Variants in HCRTR2 observed in about 807,000 individuals in gnomAD.
The protein encoded by HCRTR2 is orexin receptor type 2.
In HCRTR2, 22 loss-of-function variants were observed where a neutral mutation model predicts 49.0. The ratio of observed to expected loss-of-function variants is 0.45; its 90% CI spans 0.32 to 0.64. The LOEUF is 0.64. Among genes scored for constraint, HCRTR2 ranks in the 30% least tolerant of loss-of-function variants. HCRTR2 has a pLI of 0.04. For missense variants in HCRTR2, 491 were observed against 559.4 expected (o/e 0.88, Z 1.23); for synonymous variants, 236 against 205.3 (o/e 1.15, Z -1.28).
At chr6:55,133,499 C>T (rs1175334547) in intron 1 of HCRTR2, among the ~76,000 whole-genome samples, 1 of 151,816 alleles carries the variant, frequency 6.6e-6, no homozygotes, top group Admixed American at 6.6e-5. Flanking sequence ...TCAAAGCTTT[C>T]TTCAATTGCT....
At chr6:55,276,321 T>G (rs1396763273) in intron 4 of HCRTR2, among the ~76,000 whole-genome samples, 2 of 152,222 alleles carry the variant, frequency 1.3e-5, no homozygotes, top group Admixed American at 1.3e-4. Context: ...TGTGTGGACA[T>G]ATAAGTAAAA....
At chr6:55,156,045 G>A (rs546304415) in intron 1 of HCRTR2, among the ~76,000 whole-genome samples, 4 of 151,918 alleles carry the variant, frequency 2.6e-5, no homozygotes, top group Non-Finnish European at 5.9e-5. Context: ...ATGGTGTTAT[G>A]TGGATGAAAT....
chr6:55,244,990 T>G (rs1483013785), intron 1 of HCRTR2, among the ~76,000 whole-genome samples: 1 of 152,106 alleles, frequency 6.6e-6, no homozygotes, highest in African/African-American at 2.4e-5. Flanking sequence ...GTTTTATTTC[T>G]GGGTTTTCTA....
At chr6:55,229,699 CAG>C (rs1406911671) in intron 1 of HCRTR2, among the ~76,000 whole-genome samples, 1 of 152,154 alleles carries the variant, frequency 6.6e-6, no homozygotes, top group Non-Finnish European at 1.5e-5. Context: ...CTCATGGAAA[CAG>C]AGACTAGAAT....
chr6:55,137,888 CTA>C (rs1368806335), intron 1 of HCRTR2, among the ~76,000 whole-genome samples: 2 of 152,168 alleles, frequency 1.3e-5, no homozygotes, highest in African/African-American at 4.8e-5. Context: ...TTTAAAAAGA[CTA>C]AATTTCATGA....
chr6:55,249,530 A>T (rs1026198598), intron 2 of HCRTR2, among the ~76,000 whole-genome samples: 2 of 152,114 alleles, frequency 1.3e-5, no homozygotes, highest in Non-Finnish European at 2.9e-5. Context: ...CATATAAATA[A>T]GTTGGCACAG....
chr6:55,209,143 A>C (rs1228288590), intron 1 of HCRTR2, among the ~76,000 whole-genome samples: 1 of 152,186 alleles, frequency 6.6e-6, no homozygotes, highest in Admixed American at 6.5e-5. Context: ...AGTTAAAACA[A>C]TTACGTTCTA....
At chr6:55,250,907 C>T (rs1487186303) in intron 2 of HCRTR2, among the ~76,000 whole-genome samples, 1 of 152,094 alleles carries the variant, frequency 6.6e-6, no homozygotes, top group African/African-American at 2.4e-5. Context: ...AAGACTAGAT[C>T]CATTTGTTAC....
At chr6:55,241,908 G>T (rs1049947146) in intron 1 of HCRTR2, among the ~76,000 whole-genome samples, 4 of 122,618 alleles carry the variant, frequency 3.3e-5, no homozygotes, top group African/African-American at 9.8e-5. Context: ...TCACTCTGTC[G>T]CCCAGGCTGG....
intron 1 of HCRTR2, among the ~76,000 whole-genome samples, chr6:55,152,358 G>A (rs530981395): frequency 9.9e-5 from 15 of 151,514 alleles, no homozygotes; most frequent in Middle Eastern, 3.4e-3. Flanking sequence ...TATACCTTTT[G>A]GCCATTCATA....
At chr6:55,161,474 A>G (rs944416321) in intron 1 of HCRTR2, among the ~76,000 whole-genome samples, 2 of 152,188 alleles carry the variant, frequency 1.3e-5, no homozygotes, top group Non-Finnish European at 2.9e-5. Flanking sequence ...GACAAGAAAT[A>G]ACTAAGATGA....
At chr6:55,160,539 G>A (rs556773723) in intron 1 of HCRTR2, among the ~76,000 whole-genome samples, 1 of 152,262 alleles carries the variant, frequency 6.6e-6, no homozygotes, top group East Asian at 1.9e-4. Flanking sequence ...ACACAGACTG[G>A]CAAATTGGAT....
chr6:55,110,034 C>A (rs1364192005), intron 1 of HCRTR2, among the ~76,000 whole-genome samples: 1 of 151,960 alleles, frequency 6.6e-6, no homozygotes. Context: ...CAGCAGAGAC[C>A]CTACAAGATA....
intron 1 of HCRTR2, among the ~76,000 whole-genome samples, chr6:55,183,911 A>T (rs1765173955): frequency 6.6e-6 from 1 of 151,992 alleles, no homozygotes; most frequent in South Asian, 2.1e-4. Flanking sequence ...TAAATTTGAG[A>T]AGCAATTTCT....
chr6:55,161,370 A>G (rs1170904629), intron 1 of HCRTR2, among the ~76,000 whole-genome samples: 1 of 152,196 alleles, frequency 6.6e-6, no homozygotes, highest in Non-Finnish European at 1.5e-5. Context: ...AAATGCCCAC[A>G]CGAGAAAGTG....
chr6:55,154,959 A>G (rs1353173917), intron 1 of HCRTR2, among the ~76,000 whole-genome samples: 1 of 151,820 alleles, frequency 6.6e-6, no homozygotes, highest in African/African-American at 2.4e-5. Flanking sequence ...TAAGGAAATT[A>G]AGGAAACAAT....
At chr6:55,123,437 C>T (rs548352414) in intron 1 of HCRTR2, among the ~76,000 whole-genome samples, 13 of 151,962 alleles carry the variant, frequency 8.6e-5, no homozygotes, top group South Asian at 4.2e-4. Context: ...TTTACTGATT[C>T]GCTTATGTTG....
intron 1 of HCRTR2, among the ~76,000 whole-genome samples, chr6:55,197,631 C>CT (rs921331760): frequency 6.6e-5 from 10 of 151,830 alleles, no homozygotes; most frequent in African/African-American, 1.9e-4. Flanking sequence ...GATCCTTTCT[C>CT]TTTTTTTTGA....
intron 1 of HCRTR2, among the ~76,000 whole-genome samples, chr6:55,208,325 A>AC (rs905191839): frequency 7.0e-6 from 1 of 143,024 alleles, no homozygotes; most frequent in Non-Finnish European, 1.5e-5. Flanking sequence ...AAAATAAAAA[A>AC]ATAAAAAAAA....
Sources: allele counts gnomAD v4.1 joint callset (sites outside exome capture counted in the v4.1 genomes callset), GRCh38; gene constraint gnomAD v4.1.1; transcripts MANE v1.5; gene names NCBI Gene and HGNC (gene_info 2026-07-23, HGNC 2026-07-21).